KIF13B: variants seen among roughly 807,000 people sequenced by gnomAD.
KIF13B encodes the protein kinesin-like protein KIF13B.
Under a neutral mutation model 222.0 loss-of-function variants are expected in KIF13B, and 127 were observed. The ratio of observed to expected loss-of-function variants is 0.57; its 90% CI spans 0.50 to 0.66. KIF13B has a LOEUF of 0.66. KIF13B is among the 30% of genes least tolerant of loss of function. The pLI, the probability that KIF13B is intolerant of heterozygous loss-of-function variation, is 0.00. For missense variants in KIF13B, 2,173 were observed against 2,379.0 expected (o/e 0.91, Z 1.80); for synonymous variants, 976 against 919.0 (o/e 1.06, Z -1.12).
At chr8:29,145,094 C>CTG (rs1411426582) in intron 18 of KIF13B, among the ~76,000 whole-genome samples, 1 of 152,220 alleles carries the variant, frequency 6.6e-6, no homozygotes, top group African/African-American at 2.4e-5. Flanking sequence ...CTCCTTGTGA[C>CTG]TGGCCTTCCT....
At chr8:29,139,957 T>C (rs1270309551) in intron 21 of KIF13B, 106 bp downstream of exon 21, 2 of 1,004,226 alleles carry the variant, frequency 2.0e-6, no homozygotes, top group Non-Finnish European at 2.9e-6. Context: ...CAAAATCAGC[T>C]ATTAGGTTGG....
intron 1 of KIF13B, among the ~76,000 whole-genome samples, chr8:29,249,165 T>A (rs1332998762): frequency 6.6e-6 from 1 of 152,176 alleles, no homozygotes; most frequent in Admixed American, 6.6e-5. Flanking sequence ...CAGTGGCTCA[T>A]GCCTGTAATC....
rs928646572 is a variant in KIF13B, at chr8:29,177,353, T to C, written c.833+113A>G. On this transcript the variant is annotated intron_variant, in intron 9 of 39. Transcript: ENST00000524189. The stretch of plus-strand genomic sequence containing the variant: ...AAACCTAAAATGGGCCCAGGCCCAT[T>C]GAAAATACCAGAAAAAAATTTCAAA... 3 of 761,392 alleles carry C rather than the reference T, an allele frequency of 3.9e-6. No individual in the cohort carries two copies. In the African/African-American group the frequency reaches 5.2e-5, roughly 13 times the overall value. 47.2% of individuals were successfully genotyped at this position (761,392 alleles called of 1,614,324 possible). A position where few individuals can be genotyped will look rare whatever the true frequency, so the allele number is the denominator to read the frequency against.
intron 2 of KIF13B, among the ~76,000 whole-genome samples, chr8:29,214,702 T>C (rs1446363018): frequency 6.6e-6 from 1 of 152,214 alleles, no homozygotes; most frequent in African/African-American, 2.4e-5. Context: ...TTATCAAGTA[T>C]TATATACCAT....
At chr8:29,234,940 CA>C (rs1403284004) in intron 2 of KIF13B, among the ~76,000 whole-genome samples, 1 of 152,128 alleles carries the variant, frequency 6.6e-6, no homozygotes. Flanking sequence ...AATCTTTATA[CA>C]AAACCTGATT....
intron 10 of KIF13B, among the ~76,000 whole-genome samples, chr8:29,174,655 TATC>T (rs1812402409): frequency 1.3e-5 from 2 of 152,342 alleles, no homozygotes; most frequent in African/African-American, 4.8e-5. Context: ...CGGTTTTAAT[TATC>T]ATGATTTGTT....
At position 29,070,808 on chromosome 8, in the gene KIF13B, G is replaced by A. The variant is rs1027836548; in HGVS notation, c.5219-42C>T. 7.0e-6 allele frequency: 11 copies of A among 1,568,142 alleles called. No individual in the cohort carries two copies. The highest frequency in any genetic ancestry group is 1.2e-5 in the South Asian group (1 of 85,322). ...GGGTGATATGGAGGGCAGCCGAGCT[G>A]CAGACGGCCCCCTGCACCTCCCTTA... On this transcript the variant is annotated intron_variant, in intron 39 of 39. Transcript: ENST00000524189. The surrounding 1 kb of genome is among the most constrained non-coding windows in gnomAD (Gnocchi z 4.1).
At chr8:29,131,619 A>G (rs2129833100) in intron 23 of KIF13B, among the ~76,000 whole-genome samples, 1 of 152,350 alleles carries the variant, frequency 6.6e-6, no homozygotes, top group South Asian at 2.1e-4. Context: ...TCCACAAAGA[A>G]GCCTACCTCT....
intron 18 of KIF13B, among the ~76,000 whole-genome samples, chr8:29,144,501 G>T (rs1015890344): frequency 2.6e-5 from 4 of 151,878 alleles, no homozygotes; most frequent in African/African-American, 9.7e-5. Context: ...CAGGTGATCC[G>T]CCCACCTTGT....
chr8:29,077,230 A>T (rs888185890), intron 37 of KIF13B, among the ~76,000 whole-genome samples: 2 of 152,160 alleles, frequency 1.3e-5, no homozygotes, highest in Non-Finnish European at 2.9e-5. Flanking sequence ...CTTGACCAGA[A>T]CAGTCTCCCC....
chr8:29,146,051 A>G (rs1811045732), intron 18 of KIF13B: 1 of 536,288 alleles, frequency 1.9e-6, no homozygotes. Context: ...GTGGTAGCAT[A>G]AGGAAGGAAA....
chr8:29,112,418 C>T (rs1171163483), intron 32 of KIF13B, among the ~76,000 whole-genome samples: 1 of 127,656 alleles, frequency 7.8e-6, no homozygotes, highest in Non-Finnish European at 1.6e-5. Flanking sequence ...GGTGACAGAG[C>T]GAGACTCAGT....
intron 29 of KIF13B, 87 bp downstream of exon 29, chr8:29,122,504 C>T: frequency 9.4e-7 from 1 of 1,060,774 alleles, no homozygotes. Context: ...GACAGAATTG[C>T]CTCACGATGC....
At chr8:29,226,696 C>T (rs768022104) in intron 2 of KIF13B, among the ~76,000 whole-genome samples, 3 of 152,152 alleles carry the variant, frequency 2.0e-5, no homozygotes, top group East Asian at 1.9e-4. Flanking sequence ...AATTTACACC[C>T]GCGTGGTCTC....
chr8:29,082,650 TA>T (rs916446113), intron 37 of KIF13B, among the ~76,000 whole-genome samples: 3 of 149,352 alleles, frequency 2.0e-5, no homozygotes, highest in African/African-American at 4.9e-5. Flanking sequence ...AAAAATAAAT[TA>T]AAAAAAAATA....
chr8:29,165,885 G>T, intron 11 of KIF13B, 113 bp from the exon 12 acceptor site: 2 of 171,834 alleles, frequency 1.2e-5, no homozygotes, highest in Non-Finnish European at 1.0e-5. Flanking sequence ...TGAATGTCAC[G>T]CTGAGGTCTG....
At chr8:29,116,557 C>T (rs1449010535) in intron 31 of KIF13B, among the ~76,000 whole-genome samples, 7 of 152,190 alleles carry the variant, frequency 4.6e-5, no homozygotes, top group African/African-American at 1.7e-4. Flanking sequence ...AACCACAGAC[C>T]TTGCCCTTGA....
chr8:29,075,249 T>TG (rs772905046), intron 38 of KIF13B, 32 bp downstream of exon 38: 9 of 1,542,702 alleles, frequency 5.8e-6, no homozygotes, highest in Non-Finnish European at 7.9e-6. Flanking sequence ...TCGCTGTAGG[T>TG]GGGGTGGCCA....
chr8:29,174,084 T>C (rs1356737770), intron 10 of KIF13B, among the ~76,000 whole-genome samples: 1 of 152,140 alleles, frequency 6.6e-6, no homozygotes, highest in Non-Finnish European at 1.5e-5. Flanking sequence ...AATGAACGCA[T>C]CCATCACCTT....
Sources: gnomAD v4.1 joint callset for allele counts (sites outside exome capture counted in the v4.1 genomes callset) on GRCh38, gnomAD v4.1.1 for gene constraint, Gnocchi (gnomAD v3.1) non-coding constraint, MANE v1.5 for transcripts, NCBI Gene and HGNC (gene_info 2026-07-23, HGNC 2026-07-21) for gene names.